The following ZFP91 variants were observed in gnomAD, a reference collection of about 807,000 sequenced individuals.
ZFP91 encodes the protein ZFP91 zinc finger protein, atypical E3 ubiquitin ligase, also known as E3 ubiquitin-protein ligase ZFP91.
In ZFP91, 7 loss-of-function variants were observed where a neutral mutation model predicts 63.5. That is an observed-to-expected ratio of 0.11 (90% CI 0.06 to 0.21). The LOEUF (loss-of-function observed/expected upper bound fraction) is 0.21. ZFP91 is among the 10% of genes least tolerant of loss of function. ZFP91 has a pLI of 1.00. For synonymous variants in ZFP91, 330 were observed against 272.1 expected, an observed-to-expected ratio of 1.21 and a Z score of -2.10; for missense variants, 628 against 736.6, an observed-to-expected ratio of 0.85 and a Z score of 1.71.
chr11:58,618,511 A>G lies in ZFP91; in HGVS notation c.*805A>G. ...TCCCAGGCTAATGGCAGAAATTTGC[A>G]CTTTGAACATGTGTGTTTTTGTGTT... is the stretch of plus-strand genomic sequence containing the variant. On this transcript the variant is annotated 3_prime_UTR_variant, in exon 11 of 11. Coordinates refer to ENST00000316059, the MANE Select transcript of ZFP91 (RefSeq NM_053023.5). 1 of 375,446 alleles carries G rather than the reference A, an allele frequency of 2.7e-6. No homozygotes were observed. Among genetic ancestry groups the G allele is most frequent in the Non-Finnish European group, 5.2e-6 (1 of 193,850 alleles). 23.3% of individuals were successfully genotyped at this position (375,446 alleles called of 1,614,324 possible).
chr11:58,595,062 G>T (rs377111779), intron 2 of ZFP91, among the ~76,000 whole-genome samples: 1 of 152,060 alleles, frequency 6.6e-6, no homozygotes, highest in East Asian at 1.9e-4. Context: ...GGTTAGGTGT[G>T]GTATAGTAGA....
intron 2 of ZFP91, among the ~76,000 whole-genome samples, chr11:58,593,945 A>G (rs191519143): frequency 5.1e-4 from 77 of 152,124 alleles, no homozygotes; most frequent in African/African-American, 1.8e-3. Flanking sequence ...AATTCTTTCC[A>G]TATTCAGTGG....
Position 58,579,256 on chromosome 11 carries a change from A to T in ZFP91, c.-26A>T. On this transcript the variant is annotated 5_prime_UTR_variant, in exon 1 of 11. Coordinates refer to ENST00000316059, the MANE Select transcript of ZFP91 (RefSeq NM_053023.5). ...GCCTCCGCCTCCGCCGCCTAGGACT[A>T]GGGGGTGGGGGACGGACAAGCCCCG... is the stretch of plus-strand genomic sequence containing the variant. 7.3e-7 allele frequency: 1 copy of T among 1,378,370 alleles called. No individual in the cohort carries two copies. The allele number at this position is 1,378,370 out of a possible 1,614,324, so 85.4% of individuals were successfully genotyped here. A position where few individuals can be genotyped will look rare whatever the true frequency, so the allele number is the denominator to read the frequency against.
At chr11:58,580,779 G>T (rs566075364) in intron 1 of ZFP91, among the ~76,000 whole-genome samples, 7 of 152,308 alleles carry the variant, frequency 4.6e-5, no homozygotes, top group Non-Finnish European at 1.0e-4. Context: ...TCAAATTTTT[G>T]AATGTCAGCT....
chr11:58,591,938 T>TAA (rs1377071819), intron 2 of ZFP91, among the ~76,000 whole-genome samples: 1 of 152,150 alleles, frequency 6.6e-6, no homozygotes, highest in African/African-American at 2.4e-5. Context: ...GCAGTGGCTG[T>TAA]AGCCAGGTCA....
intron 1 of ZFP91, 33 bp from the exon 2 acceptor site, chr11:58,584,823 T>G (rs775277206): frequency 6.6e-7 from 1 of 1,520,954 alleles, no homozygotes; most frequent in East Asian, 2.4e-5. Context: ...TGTGCTAGAT[T>G]GTTCATTAAT....
At chr11:58,590,907 G>T (rs1233304724) in intron 2 of ZFP91, among the ~76,000 whole-genome samples, 1 of 150,534 alleles carries the variant, frequency 6.6e-6, no homozygotes, top group Non-Finnish European at 1.5e-5. Flanking sequence ...GATATTTCTG[G>T]GTTTTTTTTT....
chr11:58,579,241 C>T lies in ZFP91; in HGVS notation c.-41C>T. On this transcript the variant is annotated 5_prime_UTR_variant, in exon 1 of 11. Transcript: ENST00000316059. ...AGCGCCGAGGCCGCCGCCTCCGCCT[C>T]CGCCGCCTAGGACTAGGGGGTGGGG... The T allele has an allele frequency of 1.5e-6, 2 of 1,368,758 alleles. No homozygotes were observed. The highest frequency in any genetic ancestry group is 1.9e-6 in the Non-Finnish European group (2 of 1,068,640). 84.8% of individuals were successfully genotyped at this position (1,368,758 alleles called of 1,614,324 possible).
At chr11:58,601,593 T>C (rs1855491371) in intron 2 of ZFP91, among the ~76,000 whole-genome samples, 1 of 152,062 alleles carries the variant, frequency 6.6e-6, no homozygotes, top group African/African-American at 2.4e-5. Flanking sequence ...TGTTAGGTTA[T>C]TGATTCAGGC....
At chr11:58,583,635 A>G (rs1046991769) in intron 1 of ZFP91, among the ~76,000 whole-genome samples, 1 of 152,106 alleles carries the variant, frequency 6.6e-6, no homozygotes, top group South Asian at 2.1e-4. Context: ...AAAGTTTGTT[A>G]TATAATTTTT....
intron 2 of ZFP91, among the ~76,000 whole-genome samples, chr11:58,600,324 C>A (rs560945000): frequency 5.3e-5 from 8 of 151,884 alleles, no homozygotes; most frequent in African/African-American, 1.9e-4. Context: ...CCTTTTTATT[C>A]TATTGTAAAG....
In ZFP91 at chr11:58,595,121, G is replaced by A. The variant is rs981928030; in HGVS notation, c.370+10237G>A. Among the ~76,000 whole-genome samples, 6 of 152,224 alleles carry A rather than the reference G, an allele frequency of 3.9e-5. No homozygotes were observed. In the East Asian group the frequency reaches 1.2e-3, roughly 29 times the overall value. On this transcript the variant is annotated intron_variant, in intron 2 of 10. Coordinates refer to ENST00000316059, the MANE Select transcript of ZFP91 (RefSeq NM_053023.5). ...ATACCCGTGTTCAGTTCCCTCAGCAGCTTTTAATATGTGCACTTGGGAAAG... is the reference window on the plus strand; with the variant it reads ...ATACCCGTGTTCAGTTCCCTCAGCAACTTTTAATATGTGCACTTGGGAAAG...
chr11:58,614,186 C>T, intron 8 of ZFP91, 43 bp from the exon 9 acceptor site: 1 of 1,341,874 alleles, frequency 7.5e-7, no homozygotes, highest in Non-Finnish European at 1.0e-6. Flanking sequence ...TTCAGGAAGC[C>T]TTAATTTTTT....
intron 2 of ZFP91, among the ~76,000 whole-genome samples, chr11:58,602,197 A>G (rs1389023409): frequency 2.6e-5 from 4 of 152,202 alleles, no homozygotes; most frequent in Admixed American, 2.6e-4. Flanking sequence ...TGTTGGGATT[A>G]CAGGTGTGAG....
Position 58,617,511 on chromosome 11 carries a change from G to A in ZFP91, c.1518G>A (p.Glu506=). 2 of 1,614,150 alleles carry A rather than the reference G, an allele frequency of 1.2e-6. No homozygotes were observed. The highest frequency in any genetic ancestry group is 1.7e-6 in the Non-Finnish European group (2 of 1,179,998). The change falls in exon 11 of 11, where the codon GAG becomes GAA. Residue 506 remains glutamate (E), a synonymous_variant. Transcript: ENST00000316059. This position sits in a 1 kb window ranked among gnomAD's most constrained non-coding sequence, Gnocchi z 4.2. The part of the protein sequence containing the change: ...PEPLGNSTSG[E]CLLLEAEGMS... Reference sequence around the variant, plus strand: ...CCTTGGGAAACTCAACCTCTGGAGAGTGCCTACTGTTAGAAGCTGAAGGGA... The same window carrying A: ...CCTTGGGAAACTCAACCTCTGGAGAATGCCTACTGTTAGAAGCTGAAGGGA...
At position 58,617,908 on chromosome 11, in the gene ZFP91, T is replaced by C. The variant is rs1855777009; in HGVS notation, c.*202T>C. 2 of 593,386 alleles carry C rather than the reference T, an allele frequency of 3.4e-6. No homozygotes were observed. Among genetic ancestry groups the C allele is most frequent in the Non-Finnish European group, 4.9e-6 (2 of 405,590 alleles). 36.8% of individuals were successfully genotyped at this position (593,386 alleles called of 1,614,324 possible). On this transcript the variant is annotated 3_prime_UTR_variant, in exon 11 of 11. Transcript: ENST00000316059. This position sits in a 1 kb window ranked among gnomAD's most constrained non-coding sequence, Gnocchi z 4.2. ...CCCTCTGTTGCTCCCCTTATAAAAT[T>C]GATGTTGTCTTTACCAGAAAGGTAG...
intron 2 of ZFP91, among the ~76,000 whole-genome samples, chr11:58,589,827 C>T (rs1174812330): frequency 6.6e-6 from 1 of 152,094 alleles, no homozygotes; most frequent in Non-Finnish European, 1.5e-5. Context: ...TATTAATTTC[C>T]TACAAATAAA....
At chr11:58,604,889 A>AT (rs1447151757) in intron 2 of ZFP91, among the ~76,000 whole-genome samples, 33 of 152,266 alleles carry the variant, frequency 2.2e-4, no homozygotes, top group African/African-American at 7.7e-4. Context: ...GATTGGTTGT[A>AT]TTTTTTGTTA....
intron 2 of ZFP91, among the ~76,000 whole-genome samples, chr11:58,587,458 A>G (rs1855230667): frequency 6.6e-6 from 1 of 152,202 alleles, no homozygotes; most frequent in Admixed American, 6.5e-5. Flanking sequence ...ATATGCAGAT[A>G]GTTAATTTGG....
Sources: gnomAD v4.1 joint callset for allele counts (sites outside exome capture counted in the v4.1 genomes callset) on GRCh38, gnomAD v4.1.1 for gene constraint, Gnocchi (gnomAD v3.1) non-coding constraint, MANE v1.5 for transcripts, NCBI Gene and HGNC (gene_info 2026-07-23, HGNC 2026-07-21) for gene names.